The following LYST variants were observed in gnomAD, a reference collection of about 807,000 sequenced individuals.
LYST encodes lysosomal trafficking regulator, also known as lysosomal-trafficking regulator.
In LYST, 192 loss-of-function variants were observed where a neutral mutation model predicts 413.6. The ratio of observed to expected loss-of-function variants is 0.46; its 90% CI spans 0.41 to 0.52. The LOEUF is 0.52. Ranked by LOEUF, LYST falls within the 20% of genes least tolerant of loss-of-function variation. The pLI is 0.00. For synonymous variants in LYST, 1,525 were observed against 1,567.3 expected (o/e 0.97, Z 0.64); for missense variants, 3,815 against 4,499.9 (o/e 0.85, Z 4.35).
chr1:235,727,665 T>C (rs1664009939), intron 38 of LYST, among the ~76,000 whole-genome samples: 1 of 152,202 alleles, frequency 6.6e-6, no homozygotes, highest in African/African-American at 2.4e-5. Context: ...ACAATTATCA[T>C]TATTAAGCTA....
At chr1:235,759,631 A>AT in intron 22 of LYST, 32 bp from the exon 23 acceptor site, 3 of 1,533,048 alleles carry the variant, frequency 2.0e-6, no homozygotes, top group Non-Finnish European at 2.7e-6. Flanking sequence ...ATACTACTTA[A>AT]AAATCTATTA....
chr1:235,853,828 C>T (rs557954825), intron 1 of LYST, among the ~76,000 whole-genome samples: 128 of 152,228 alleles, frequency 8.4e-4, no homozygotes, highest in South Asian at 1.9e-3. Context: ...CACACTAAAA[C>T]GCACCAAACT....
chr1:235,819,120 G>C (rs1460605762), intron 3 of LYST, among the ~76,000 whole-genome samples: 4 of 152,304 alleles, frequency 2.6e-5, no homozygotes, highest in Middle Eastern at 6.8e-3. Context: ...CCCTCTGCTG[G>C]AATTGTAGTC....
intron 22 of LYST, among the ~76,000 whole-genome samples, chr1:235,761,977 GT>G (rs1369487707): frequency 8.3e-6 from 1 of 120,182 alleles, no homozygotes; most frequent in African/African-American, 3.1e-5. Flanking sequence ...CTGTTGTCGG[GT>G]GGGGGGAGGG....
intron 3 of LYST, 176 bp downstream of exon 3, chr1:235,830,050 A>G: frequency 1.7e-6 from 1 of 589,180 alleles, no homozygotes; most frequent in Non-Finnish European, 3.0e-6. Context: ...AGACGTTTTG[A>G]AAGTATTCAA....
rs989962682 is a variant in LYST, at chr1:235,864,115, C to T, written c.-98+2728G>A. Reference sequence around the variant, plus strand: ...TTTCCTTTTAGCAATTTTCCATCCACGATCCCCACACTGCTGCTTGGCTAT... The same window carrying T: ...TTTCCTTTTAGCAATTTTCCATCCATGATCCCCACACTGCTGCTTGGCTAT... On this transcript the variant is annotated intron_variant, in intron 1 of 52. Coordinates refer to ENST00000389793, the MANE Select transcript of LYST (RefSeq NM_000081.4). Among the ~76,000 whole-genome samples, 9 of 152,238 alleles carry T rather than the reference C, an allele frequency of 5.9e-5. No individual in the cohort carries two copies. In the South Asian group the frequency reaches 6.2e-4, roughly 11 times the overall value.
intron 1 of LYST, among the ~76,000 whole-genome samples, chr1:235,859,949 T>C (rs548663306): frequency 1.9e-4 from 29 of 152,340 alleles, no homozygotes; most frequent in African/African-American, 7.0e-4. Context: ...GAAGTTAGCT[T>C]AATATGACTT....
Position 235,664,609 on chromosome 1 carries a change from C to T in LYST, c.11051G>A (p.Ser3684Asn), listed in dbSNP as rs1293415936. ...ATVCDSAGGG[S>N]DLRLWTVNGD... ...GTTCACCGTCCAGAGTCTGAGGTCA[C>T]TGCCTCCGCCAGCTAAAACACCCAA... Residue 3684 changes from serine to asparagine, a missense_variant, in exon 51 of 53, where the codon AGT becomes AAT. Ser to Asn is a conservative substitution (Grantham distance 46). This residue lies in a region of LYST where 866 missense variants were observed against 1,156.0 expected (regional missense o/e 0.75). Transcript: ENST00000389793. This position sits in a 1 kb window ranked among gnomAD's most constrained non-coding sequence, Gnocchi z 4.5. 1.2e-6 allele frequency: 2 copies of T among 1,614,040 alleles called. No homozygotes were observed. Among genetic ancestry groups the T allele is most frequent in the Non-Finnish European group, 1.7e-6 (2 of 1,180,040 alleles).
chr1:235,748,608 G>A (rs1666149490), intron 28 of LYST, among the ~76,000 whole-genome samples: 1 of 152,126 alleles, frequency 6.6e-6, no homozygotes, highest in Non-Finnish European at 1.5e-5. Flanking sequence ...TAGATATCCA[G>A]ACCAAAAACA....
chr1:235,742,919 C>T (rs1378556311), intron 30 of LYST, among the ~76,000 whole-genome samples: 1 of 152,090 alleles, frequency 6.6e-6, no homozygotes, highest in African/African-American at 2.4e-5. Context: ...GGAGAGACTA[C>T]ATTTACGTAA....
At chr1:235,757,955 C>T (rs1215729816) in intron 23 of LYST, among the ~76,000 whole-genome samples, 1 of 150,830 alleles carries the variant, frequency 6.6e-6, no homozygotes. Flanking sequence ...AAACCCAGTT[C>T]ACTCACAGAG....
At chr1:235,834,159 T>C (rs187210702) in intron 1 of LYST, among the ~76,000 whole-genome samples, 186 of 152,324 alleles carry the variant, frequency 1.2e-3, no homozygotes, top group African/African-American at 4.4e-3. Context: ...CATATCTTTA[T>C]TGAAGTTTTT....
intron 14 of LYST, 66 bp downstream of exon 14, chr1:235,787,134 T>C (rs1279100357): frequency 2.9e-5 from 35 of 1,211,710 alleles, no homozygotes; most frequent in Non-Finnish European, 3.6e-5. Flanking sequence ...TCAGAAGCTA[T>C]AATTGACTAA....
At chr1:235,752,609 C>G (rs2103312645) in intron 26 of LYST, among the ~76,000 whole-genome samples, 1 of 152,170 alleles carries the variant, frequency 6.6e-6, no homozygotes, top group Admixed American at 6.5e-5. Flanking sequence ...CTCTCTGAAT[C>G]TCACTTGTAT....
At chr1:235,715,147 G>A in intron 42 of LYST, 54 bp downstream of exon 42, 2 of 1,325,596 alleles carry the variant, frequency 1.5e-6, no homozygotes, top group South Asian at 1.2e-5. Flanking sequence ...TGTTGTTGTT[G>A]TTGTTGTTTC....
chr1:235,858,859 G>A (rs951186889), intron 1 of LYST, among the ~76,000 whole-genome samples: 1 of 152,050 alleles, frequency 6.6e-6, no homozygotes, highest in African/African-American at 2.4e-5. Flanking sequence ...GTTATGGGGG[G>A]CAGGGAAGGG....
chr1:235,720,562 A>T, intron 40 of LYST, 99 bp downstream of exon 40: 1 of 1,182,078 alleles, frequency 8.5e-7, no homozygotes, highest in Non-Finnish European at 1.3e-6. Context: ...TAATTCTTCT[A>T]TTTTGTGCAT....
At chr1:235,824,981 C>A (rs1675173050) in intron 3 of LYST, among the ~76,000 whole-genome samples, 1 of 152,122 alleles carries the variant, frequency 6.6e-6, no homozygotes, top group African/African-American at 2.4e-5. Flanking sequence ...GGTCGCGCCA[C>A]TGCACTCCAG....
At chr1:235,827,243 T>A (rs1675434917) in intron 3 of LYST, 1 of 159,228 alleles carries the variant, frequency 6.3e-6, no homozygotes, top group Non-Finnish European at 1.3e-5. Context: ...GTGGCGCACG[T>A]CTGTAATCCC....
Sources: gnomAD v4.1 joint callset for allele counts (sites outside exome capture counted in the v4.1 genomes callset) on GRCh38, gnomAD v4.1.1 for gene constraint, gnomAD v4.1.1 regional missense constraint, Gnocchi (gnomAD v3.1) non-coding constraint, MANE v1.5 for transcripts, NCBI Gene and HGNC (gene_info 2026-07-23, HGNC 2026-07-21) for gene names.